The following ATXN2 variants were observed in gnomAD, a reference collection of about 807,000 sequenced individuals.
The protein encoded by ATXN2 is ataxin-2.
Under a neutral mutation model 138.6 loss-of-function variants are expected in ATXN2, and 37 were observed. The observed-to-expected ratio is 0.27, with a 90% CI of 0.21 to 0.35. The LOEUF (loss-of-function observed/expected upper bound fraction) is 0.35, where lower values mean the gene tolerates loss of function less well. Among genes scored for constraint, ATXN2 ranks in the 10% least tolerant of loss-of-function variants. The pLI, the probability that ATXN2 is intolerant of heterozygous loss-of-function variation, is 1.00. For synonymous variants in ATXN2, 549 were observed against 543.7 expected, an observed-to-expected ratio of 1.01 and a Z score of -0.13; for missense variants, 1,216 against 1,480.3, an observed-to-expected ratio of 0.82 and a Z score of 2.93.
chr12:111,518,436 G>A lies in ATXN2; in HGVS notation c.987-9C>T, dbSNP rs1258099114. ...GAATATATTTATTTTCCCTGAAAAT[G>A]AGAGATCCTCTAAATCATTTTATTC... On this transcript the variant is annotated splice_polypyrimidine_tract_variant and intron_variant, in intron 8 of 24. Transcript: ENST00000673436. 2.5e-6 allele frequency: 4 copies of A among 1,588,060 alleles called. No individual in the cohort carries two copies. Among genetic ancestry groups the A allele is most frequent in the Non-Finnish European group, 3.4e-6 (4 of 1,162,426 alleles).
chr12:111,464,247 G>GGT (rs57717176), intron 21 of ATXN2, among the ~76,000 whole-genome samples: 15,042 of 134,504 alleles, frequency 0.11, 1,694 homozygotes, highest in East Asian at 0.52. Context: ...TGTGGCTTGG[G>GGT]GTGTGTGTGT....
chr12:111,565,839 T>C lies in ATXN2; in HGVS notation c.252-9920A>G, dbSNP rs192571758. On this transcript the variant is annotated intron_variant, in intron 1 of 24. Transcript: ENST00000673436. ...CGTGAAACCCCATCTCTACTAAAAA[T>C]ACAAAAATTAGCCAGACGTGGTGGT... 7.8e-4 allele frequency among the ~76,000 whole-genome samples: 119 copies of C among 151,794 alleles called. 1 individual carries two copies. Among genetic ancestry groups the C allele is most frequent in the Admixed American group, 2.6e-3 (40 of 15,232 alleles).
In ATXN2 at chr12:111,598,142, A is replaced by G. The variant is rs1208516766; in HGVS notation, c.251+642T>C. On this transcript the variant is annotated intron_variant, in intron 1 of 24. Transcript: ENST00000673436. This position sits in a 1 kb window ranked among gnomAD's most constrained non-coding sequence, Gnocchi z 4.5. ...GGGAGCCCCCGCCGCCGCCTCGGAC[A>G]CGAACGCAGAGGGGTGCGGGGGCCA... The G allele has an allele frequency of 1.8e-6, 2 of 1,118,006 alleles. No homozygotes were observed. Among genetic ancestry groups the G allele is most frequent in the South Asian group, 2.1e-5 (1 of 47,204 alleles). 69.3% of individuals were successfully genotyped at this position (1,118,006 alleles called of 1,614,324 possible).
intron 1 of ATXN2, among the ~76,000 whole-genome samples, chr12:111,575,198 C>A (rs1263580258): frequency 6.6e-6 from 1 of 152,108 alleles, no homozygotes; most frequent in Non-Finnish European, 1.5e-5. Flanking sequence ...AAGAACAAGA[C>A]CCTTAGCAAC....
At chr12:111,542,663 T>G (rs1320798215) in intron 5 of ATXN2, among the ~76,000 whole-genome samples, 1 of 152,076 alleles carries the variant, frequency 6.6e-6, no homozygotes, top group Non-Finnish European at 1.5e-5. Flanking sequence ...GATGGGGTTT[T>G]GCCAAGTTGC....
chr12:111,491,638 A>C (rs927157861), intron 14 of ATXN2, among the ~76,000 whole-genome samples: 1 of 152,246 alleles, frequency 6.6e-6, no homozygotes. Context: ...TTCTAGACAT[A>C]TTCTGGACCA....
chr12:111,531,877 C>T (rs1880856865), intron 5 of ATXN2, among the ~76,000 whole-genome samples: 1 of 152,110 alleles, frequency 6.6e-6, no homozygotes, highest in Non-Finnish European at 1.5e-5. Flanking sequence ...TCAGAATGTA[C>T]TTAAATTCGT....
intron 1 of ATXN2, among the ~76,000 whole-genome samples, chr12:111,574,306 TC>T (rs1278502933): frequency 2.6e-5 from 2 of 76,142 alleles, no homozygotes; most frequent in East Asian, 7.6e-4. Flanking sequence ...AGACTCTGTC[TC>T]CAAAAAAAAA....
intron 1 of ATXN2, chr12:111,597,608 G>C: frequency 2.4e-6 from 1 of 408,502 alleles, no homozygotes; most frequent in South Asian, 1.7e-5. Flanking sequence ...AATACGAACT[G>C]ACAACCGCCC....
At chr12:111,470,264 A>G (rs756548758) in intron 19 of ATXN2, 24 bp from the exon 20 acceptor site, 2 of 1,610,508 alleles carry the variant, frequency 1.2e-6, no homozygotes, top group Admixed American at 1.7e-5. Context: ...AAAAATAAAG[A>G]AAGCACATTA....
intron 1 of ATXN2, among the ~76,000 whole-genome samples, chr12:111,595,581 G>T (rs1215902747): frequency 1.3e-5 from 2 of 150,948 alleles, no homozygotes; most frequent in Non-Finnish European, 2.9e-5. Flanking sequence ...GTCAGAGGCT[G>T]CAGTGAGCTG....
rs869187288 is a variant in ATXN2 at position 111,528,569 on chromosome 12, C to CT, written c.572-3254dup. ...TAAATCTTCTGTTTACAATACCAAACTTTTTTTAAAAAAAAGTATTCACAG... is the reference window on the plus strand; with the variant it reads ...TAAATCTTCTGTTTACAATACCAAACTTTTTTTTAAAAAAAAGTATTCACAG... On this transcript the variant is annotated intron_variant, in intron 5 of 24. Coordinates refer to ENST00000673436, the MANE Select transcript of ATXN2 (RefSeq NM_001372574.1). 3.3e-5 allele frequency among the ~76,000 whole-genome samples: 5 copies of CT among 152,112 alleles called. No homozygotes were observed. In the East Asian group the frequency reaches 7.7e-4, roughly 23 times the overall value.
intron 1 of ATXN2, among the ~76,000 whole-genome samples, chr12:111,589,338 A>T (rs1348069968): frequency 6.6e-6 from 1 of 151,482 alleles, no homozygotes; most frequent in East Asian, 1.9e-4. Context: ...CAATAATAAT[A>T]ATTTAAAAAA....
chr12:111,548,010 T>C (rs1881918040), intron 5 of ATXN2, among the ~76,000 whole-genome samples: 1 of 151,740 alleles, frequency 6.6e-6, no homozygotes, highest in Non-Finnish European at 1.5e-5. Context: ...CTGGCCAACA[T>C]GGTAAAACCC....
intron 17 of ATXN2, 80 bp downstream of exon 17, chr12:111,485,633 T>C: frequency 6.6e-7 from 1 of 1,526,198 alleles, no homozygotes; most frequent in Non-Finnish European, 9.0e-7. Flanking sequence ...CACCCTCAAG[T>C]CACTGAAAAC....
At chr12:111,545,466 G>T (rs541757854) in intron 5 of ATXN2, among the ~76,000 whole-genome samples, 96 of 151,816 alleles carry the variant, frequency 6.3e-4, no homozygotes, top group African/African-American at 2.1e-3. Context: ...CGTGGTGGCA[G>T]GCACCTATAG....
chr12:111,483,536 T>C (rs1877419008), intron 18 of ATXN2, among the ~76,000 whole-genome samples: 1 of 151,154 alleles, frequency 6.6e-6, no homozygotes, highest in South Asian at 2.1e-4. Flanking sequence ...TTTGTATTTT[T>C]AGTAGAGACG....
intron 1 of ATXN2, among the ~76,000 whole-genome samples, chr12:111,589,380 C>T (rs907938400): frequency 6.6e-6 from 1 of 152,100 alleles, no homozygotes; most frequent in African/African-American, 2.4e-5. Flanking sequence ...CACCTGTAAT[C>T]CCAGCACCTT....
chr12:111,504,103 TA>T (rs1878956889), intron 14 of ATXN2, among the ~76,000 whole-genome samples: 1 of 152,240 alleles, frequency 6.6e-6, no homozygotes, highest in African/African-American at 2.4e-5. Flanking sequence ...TGCTGATAGC[TA>T]AAATGTTTTC....
Sources: allele counts gnomAD v4.1 joint callset (sites outside exome capture counted in the v4.1 genomes callset), GRCh38; gene constraint gnomAD v4.1.1; non-coding constraint Gnocchi (gnomAD v3.1); transcripts MANE v1.5; gene names NCBI Gene and HGNC (gene_info 2026-07-23, HGNC 2026-07-21).